OCA2: variants seen among roughly 807,000 people sequenced by gnomAD.
The protein encoded by OCA2 is OCA2 melanosomal transmembrane protein.
In OCA2, 77 loss-of-function variants were observed where a neutral mutation model predicts 100.2. The observed-to-expected ratio is 0.77, with a 90% confidence interval of 0.64 to 0.93. OCA2 has a LOEUF of 0.93. OCA2 is among the 40% of genes least tolerant of loss of function. OCA2 has a pLI of 0.00. For synonymous variants in OCA2, 432 were observed against 439.2 expected (o/e 0.98, Z 0.21); for missense variants, 1,062 against 1,089.1 (o/e 0.98, Z 0.35).
At chr15:27,802,132 C>T (rs1166549896) in intron 23 of OCA2, among the ~76,000 whole-genome samples, 2 of 152,100 alleles carry the variant, frequency 1.3e-5, no homozygotes, top group African/African-American at 2.4e-5. Context: ...CATACGTATA[C>T]ATCTATTATA....
At chr15:28,089,937 CTAAAA>C (rs2044844468) in intron 1 of OCA2, among the ~76,000 whole-genome samples, 1 of 151,982 alleles carries the variant, frequency 6.6e-6, no homozygotes, top group Admixed American at 6.5e-5. Context: ...AGCCCCAAAT[CTAAAA>C]TAAAAGTTGA....
At chr15:27,918,253 G>C (rs544339785) in intron 19 of OCA2, among the ~76,000 whole-genome samples, 193 of 151,984 alleles carry the variant, frequency 1.3e-3, no homozygotes, top group South Asian at 2.5e-3. Context: ...TGTATTTTTA[G>C]TAGAGACAGG....
chr15:28,069,383 TCCCC>T (rs1462783251), intron 2 of OCA2, among the ~76,000 whole-genome samples: 315 of 5,338 alleles, frequency 0.059, 19 homozygotes, highest in African/African-American at 0.2. Flanking sequence ...TCCCTCTCCC[TCCCC>T]CTCCCCCTCC....
intron 19 of OCA2, among the ~76,000 whole-genome samples, chr15:27,893,324 G>A (rs977485266): frequency 2.0e-5 from 3 of 152,160 alleles, no homozygotes; most frequent in Non-Finnish European, 2.9e-5. Context: ...TGTGTTAACT[G>A]TACAAATTGA....
In OCA2 at chr15:27,755,281, G is replaced by A; in HGVS notation, c.*107C>T. ...CACTGTGTCTCTGTAGCATCTCCAG[G>A]GTAAGCACCTTTTCTTCTTCAAACA... On this transcript the variant is annotated 3_prime_UTR_variant, in exon 24 of 24. Transcript: ENST00000354638. 1 of 790,464 alleles carries A rather than the reference G, an allele frequency of 1.3e-6. No individual in the cohort carries two copies. The highest frequency in any genetic ancestry group is 2.2e-6 in the Non-Finnish European group (1 of 450,004). 49.0% of individuals were successfully genotyped at this position (790,464 alleles called of 1,614,324 possible).
intron 23 of OCA2, among the ~76,000 whole-genome samples, chr15:27,775,196 C>T (rs545434370): frequency 2.0e-5 from 3 of 152,244 alleles, no homozygotes; most frequent in South Asian, 2.1e-4. Flanking sequence ...GGGTTAGCTC[C>T]GCCCCCTACG....
chr15:27,827,108 C>T (rs2034757659), intron 23 of OCA2, among the ~76,000 whole-genome samples: 1 of 152,210 alleles, frequency 6.6e-6, no homozygotes, highest in Non-Finnish European at 1.5e-5. Flanking sequence ...GAGTGAGATC[C>T]CACGATGTTT....
intron 23 of OCA2, among the ~76,000 whole-genome samples, chr15:27,835,876 AT>A (rs2035131194): frequency 1.3e-5 from 2 of 152,134 alleles, no homozygotes; most frequent in South Asian, 4.1e-4. Context: ...GTTGTGGGGC[AT>A]TGCTTCCTGA....
chr15:27,727,012 CT>C, the OCA2 span, among the ~76,000 whole-genome samples: 1 of 152,208 alleles, frequency 6.6e-6, no homozygotes, highest in South Asian at 2.1e-4. Context: ...CATTTGCAAG[CT>C]GGAAAGCTTG....
chr15:27,846,364 C>G (rs1308484085), intron 22 of OCA2, among the ~76,000 whole-genome samples: 1 of 152,124 alleles, frequency 6.6e-6, no homozygotes, highest in Admixed American at 6.5e-5. Context: ...GCAGGCCCTG[C>G]CCTGCTCAGC....
chr15:28,098,531 T>A (rs1220171067), intron 1 of OCA2, among the ~76,000 whole-genome samples: 2 of 152,202 alleles, frequency 1.3e-5, no homozygotes, highest in Admixed American at 6.5e-5. Flanking sequence ...TTGTAGACTG[T>A]CACATTGGTC....
chr15:28,074,760 T>C (rs1445999008), intron 2 of OCA2, among the ~76,000 whole-genome samples: 1 of 148,142 alleles, frequency 6.8e-6, no homozygotes, highest in African/African-American at 2.5e-5. Context: ...GGCAGGAGAA[T>C]CGCTTGAACC....
chr15:28,032,523 C>T (rs553161082), intron 2 of OCA2, among the ~76,000 whole-genome samples: 5 of 152,160 alleles, frequency 3.3e-5, no homozygotes, highest in East Asian at 1.9e-4. Context: ...CGGTGGCTCA[C>T]GCCTGTAATC....
chr15:28,044,937 A>T (rs149692968), intron 2 of OCA2, among the ~76,000 whole-genome samples: 2 of 152,224 alleles, frequency 1.3e-5, no homozygotes, highest in East Asian at 3.9e-4. Flanking sequence ...TAATACTTAG[A>T]ATTGGTTCCT....
chr15:27,856,376 C>A (rs1445264919), intron 21 of OCA2, among the ~76,000 whole-genome samples: 1 of 152,110 alleles, frequency 6.6e-6, no homozygotes, highest in Non-Finnish European at 1.5e-5. Flanking sequence ...CTTCAGCAAC[C>A]ACAGGAAAGA....
At position 27,784,562 on chromosome 15, in the gene OCA2, A is replaced by C. The variant is rs1374996637; in HGVS notation, c.2433-29090T>G. Among the ~76,000 whole-genome samples the C allele has an allele frequency of 2.6e-5, 4 of 152,216 alleles. No homozygotes were observed. The South Asian group carries it at 8.3e-4, about 32-fold the overall frequency. On this transcript the variant is annotated intron_variant, in intron 23 of 23. Transcript: ENST00000354638. ...ACTTTCAGATCAGAAATTTTAAATA[A>C]CTGACATTAATATGTTTAAAAGCCT...
chr15:28,039,427 T>C (rs767386398), intron 2 of OCA2, among the ~76,000 whole-genome samples: 1 of 152,182 alleles, frequency 6.6e-6, no homozygotes, highest in Non-Finnish European at 1.5e-5. Flanking sequence ...TTTTAAAAAT[T>C]TGAAGTAATA....
intron 21 of OCA2, among the ~76,000 whole-genome samples, chr15:27,867,749 C>T (rs1419312565): frequency 2.0e-5 from 3 of 152,288 alleles, no homozygotes; most frequent in East Asian, 1.9e-4. Flanking sequence ...AACAACACAA[C>T]GACATGCTTA....
At chr15:27,920,564 A>G (rs1291907798) in intron 19 of OCA2, among the ~76,000 whole-genome samples, 1 of 152,164 alleles carries the variant, frequency 6.6e-6, no homozygotes, top group Non-Finnish European at 1.5e-5. Context: ...AATAGAAACT[A>G]TCTGTGAGGG....
Sources: allele counts gnomAD v4.1 joint callset (sites outside exome capture counted in the v4.1 genomes callset), GRCh38; gene constraint gnomAD v4.1.1; transcripts MANE v1.5; gene names NCBI Gene and HGNC (gene_info 2026-07-23, HGNC 2026-07-21).